Variants in PKHD1L1 observed in about 807,000 individuals in gnomAD.
PKHD1L1 encodes the protein fibrocystin-L.
Under a neutral mutation model 462.9 loss-of-function variants are expected in PKHD1L1, and 434 were observed. The observed-to-expected ratio is 0.94, with a 90% CI of 0.87 to 1.02. The LOEUF (loss-of-function observed/expected upper bound fraction) is 1.02, where lower values mean the gene tolerates loss of function less well. PKHD1L1 is among the 50% of genes least tolerant of loss of function. The probability of loss-of-function intolerance (pLI) is 0.00; values close to 1 mark genes in which losing one functional copy is unlikely to be tolerated. For missense variants in PKHD1L1, 5,202 were observed against 5,096.1 expected (o/e 1.02, Z -0.63); for synonymous variants, 1,781 against 1,750.0 (o/e 1.02, Z -0.44).
chr8:109,415,832 A>G, intron 21 of PKHD1L1, among the ~76,000 whole-genome samples: 1 of 143,328 alleles, frequency 7.0e-6, no homozygotes, highest in Non-Finnish European at 1.5e-5. Flanking sequence ...TGGGTGACAG[A>G]ATGAGACCTT....
At chr8:109,460,853 C>T (rs1199645377) in intron 47 of PKHD1L1, among the ~76,000 whole-genome samples, 1 of 152,178 alleles carries the variant, frequency 6.6e-6, no homozygotes, top group Non-Finnish European at 1.5e-5. Flanking sequence ...AAGGATCTAT[C>T]TCAGCACGGG....
At chr8:109,429,282 A>T in intron 25 of PKHD1L1, 58 bp from the exon 26 acceptor site, 3 of 1,345,550 alleles carry the variant, frequency 2.2e-6, no homozygotes, top group Non-Finnish European at 3.0e-6. Context: ...AAAATGAAAA[A>T]CTAGTGTCGT....
rs1203402184 is a variant in PKHD1L1, at chr8:109,445,233, C to T, written c.5364C>T (p.Phe1788=). 4.3e-6 allele frequency: 7 copies of T among 1,613,970 alleles called. No homozygotes were observed. Among genetic ancestry groups the T allele is most frequent in the Non-Finnish European group, 5.9e-6 (7 of 1,179,890 alleles). Residue 1788 remains phenylalanine, a synonymous_variant, in exon 38 of 78, where the codon TTC becomes TTT. Transcript: ENST00000378402. ...DIAVFIGNQQ[F]RAIEVNENNI... is the part of the protein sequence containing the mutation. ...CTGTTTTCATTGGAAATCAACAGTT[C>T]AGAGCAATAGAGGTTAATGAAAACA... is the stretch of plus-strand genomic sequence containing the variant.
At position 109,414,625 on chromosome 8, in the gene PKHD1L1, T is replaced by C. The variant is rs139984331; in HGVS notation, c.2360+1080T>C. ...TAAGATATGGAGAGCATTATTCTAT[T>C]ATAATAAGACATGGAGAGCACTATT... On this transcript the variant is annotated intron_variant, in intron 21 of 77. Transcript: ENST00000378402. Among the ~76,000 whole-genome samples, 1,390 of 152,232 alleles carry C rather than the reference T, an allele frequency of 9.1e-3. 7 individuals are homozygous for C. The highest frequency in any genetic ancestry group is 0.011 in the Non-Finnish European group (771 of 67,998).
At chr8:109,388,448 C>A in intron 6 of PKHD1L1, 49 bp from the exon 7 acceptor site, 1 of 1,349,626 alleles carries the variant, frequency 7.4e-7, no homozygotes, top group Non-Finnish European at 1.0e-6. Flanking sequence ...ATTTTTGAAA[C>A]AATTTGTTAA....
chr8:109,513,142 A>G (rs1378093683), intron 71 of PKHD1L1, among the ~76,000 whole-genome samples: 2 of 151,468 alleles, frequency 1.3e-5, no homozygotes, highest in Non-Finnish European at 2.9e-5. Flanking sequence ...TCATCTGCAA[A>G]CAGGGACAAT....
At chr8:109,373,135 G>C (rs2130354692) in intron 2 of PKHD1L1, among the ~76,000 whole-genome samples, 1 of 152,180 alleles carries the variant, frequency 6.6e-6, no homozygotes, top group East Asian at 1.9e-4. Context: ...ATCTGGTCCT[G>C]GACTTTTTTT....
At chr8:109,514,823 T>C (rs979429094) in intron 71 of PKHD1L1, among the ~76,000 whole-genome samples, 3 of 152,124 alleles carry the variant, frequency 2.0e-5, no homozygotes, top group Non-Finnish European at 4.4e-5. Flanking sequence ...GGCTGCATTA[T>C]ACAGAGTATA....
chr8:109,512,017 C>T (rs866944531), intron 71 of PKHD1L1, among the ~76,000 whole-genome samples: 4,218 of 151,994 alleles, frequency 0.028, 123 homozygotes, highest in African/African-American at 0.072. Context: ...CTGTTCATGT[C>T]CTTTGCCCAC....
At chr8:109,418,212 G>A (rs7840592) in intron 21 of PKHD1L1, among the ~76,000 whole-genome samples, 80,376 of 151,784 alleles carry the variant, frequency 0.53, 21,439 homozygotes, top group South Asian at 0.65. Flanking sequence ...CAGTTGTACA[G>A]TTCTACGCTG....
At chr8:109,412,231 C>A (rs770404706) in intron 19 of PKHD1L1, 34 bp from the exon 20 acceptor site, 1 of 1,607,510 alleles carries the variant, frequency 6.2e-7, no homozygotes, top group South Asian at 1.1e-5. Context: ...AACAATAAAT[C>A]ATGTTTTCAT....
rs769717025 is a variant in PKHD1L1 at position 109,400,109 on chromosome 8, A to G, written c.1046A>G (p.Asn349Ser). Reference protein sequence around the residue: ...GRGLKLEVWNNSRPIRLEEIL... With the variant: ...GRGLKLEVWNSSRPIRLEEIL... ...GGCCTGAAGCTTGAGGTGTGGAATA[A>G]TAGCCGTCCAATACGTTTGGAAGAG... Residue 349 changes from asparagine to serine, a missense_variant, in exon 13 of 78, where the codon AAT (asparagine) becomes AGT (serine). Physicochemically the swap from Asn to Ser is conservative, Grantham distance 46. Coordinates refer to ENST00000378402, the MANE Select transcript of PKHD1L1 (RefSeq NM_177531.6). 2.5e-6 allele frequency: 4 copies of G among 1,613,458 alleles called. No homozygotes were observed. Among genetic ancestry groups the G allele is most frequent in the Non-Finnish European group, 3.4e-6 (4 of 1,179,556 alleles).
chr8:109,415,864 G>GGTGTGTGT (rs552265043), intron 21 of PKHD1L1, among the ~76,000 whole-genome samples: 1,527 of 100,382 alleles, frequency 0.015, 33 homozygotes, highest in African/African-American at 0.044. Flanking sequence ...AAAAAAAAGG[G>GGTGTGTGT]GTGTGTGTGT....
chr8:109,396,277 T>C (rs1712404170), intron 11 of PKHD1L1, 140 bp downstream of exon 11: 1 of 677,308 alleles, frequency 1.5e-6, no homozygotes, highest in African/African-American at 1.8e-5. Context: ...GTCATTTGGT[T>C]CTGGGATTTG....
At position 109,480,075 on chromosome 8, in the gene PKHD1L1, A is replaced by G. The variant is rs202085547; in HGVS notation, c.9263A>G (p.Asn3088Ser). ...GTTCTAGAACTGGAAGATAAATACA[A>G]TGTAGGAGCTGCAGAATCTTCTTAC... Reference protein sequence around the residue: ...WGVLELEDKYNVGAAESSYRE... With the variant: ...WGVLELEDKYSVGAAESSYRE... Residue 3088 changes from asparagine (N) to serine (S), a missense_variant, in exon 55 of 78, where the codon AAT (asparagine) becomes AGT (serine). Physicochemically the swap from Asn to Ser is conservative, Grantham distance 46. Around this residue, in one of 3 missense-constraint regions of PKHD1L1, gnomAD observed 4,497 missense variants for 4,336.8 expected, o/e 1.04. Transcript: ENST00000378402. 4 of 1,585,278 alleles carry G rather than the reference A, an allele frequency of 2.5e-6. No individual in the cohort carries two copies. Among genetic ancestry groups the G allele is most frequent in the East Asian group, 2.3e-5 (1 of 43,832 alleles).
Position 109,396,203 on chromosome 8 carries a change from G to GTAA in PKHD1L1, c.922+78_922+80dup, listed in dbSNP as rs1812967209. The GTAA allele has an allele frequency of 9.0e-5, 98 of 1,087,020 alleles. 2 individuals are homozygous for GTAA. The South Asian group carries it at 1.3e-3, about 15-fold the overall frequency. 67.3% of individuals were successfully genotyped at this position (1,087,020 alleles called of 1,614,324 possible). ...AATTCTGCCTGCTCTTTAATAATTT[G>GTAA]TAATAATAATAATAGTCTTTTCTCA... On this transcript the variant is annotated intron_variant, in intron 11 of 77. Transcript: ENST00000378402.
intron 21 of PKHD1L1, 92 bp downstream of exon 21, chr8:109,413,637 T>C (rs1046920412): frequency 4.3e-6 from 5 of 1,174,454 alleles, no homozygotes; most frequent in Non-Finnish European, 5.5e-6. Flanking sequence ...TTTTTTGTTT[T>C]GGTCTGTTTG....
chr8:109,448,338 C>T lies in PKHD1L1; in HGVS notation c.5972C>T (p.Ser1991Phe). 6 of 1,613,352 alleles carry T rather than the reference C, an allele frequency of 3.7e-6. No homozygotes were observed. Among genetic ancestry groups the T allele is most frequent in the Non-Finnish European group, 5.1e-6 (6 of 1,179,648 alleles). ...MHHKTKGSAMSTVVFEYPLNI... is the reference protein window; with the variant it reads ...MHHKTKGSAMFTVVFEYPLNI... ...CATAAGACAAAAGGCTCAGCCATGT[C>T]CACAGTTGTATTTGAGTACCCGCTT... The change falls in exon 39 of 78, where the codon TCC (serine) becomes TTC (phenylalanine). Residue 1991 changes from serine to phenylalanine, a missense_variant. Around this residue, in one of 3 missense-constraint regions of PKHD1L1, gnomAD observed 4,497 missense variants for 4,336.8 expected, o/e 1.04. Transcript: ENST00000378402.
In PKHD1L1 at chr8:109,491,865, T is replaced by A; in HGVS notation, c.10115-8T>A. The A allele has an allele frequency of 6.5e-7, 1 of 1,544,636 alleles. No individual in the cohort carries two copies. Among genetic ancestry groups the A allele is most frequent in the Non-Finnish European group, 8.8e-7 (1 of 1,141,974 alleles). ...GGATTTTCTTTCTTTTTTTCTTTTT[T>A]TAAACAGGCATAAGAATATGGGGGA... On this transcript the variant is annotated splice_polypyrimidine_tract_variant and splice_region_variant and intron_variant, in intron 61 of 77. Coordinates refer to ENST00000378402, the MANE Select transcript of PKHD1L1 (RefSeq NM_177531.6).
Sources: allele counts gnomAD v4.1 joint callset (sites outside exome capture counted in the v4.1 genomes callset), GRCh38; gene constraint gnomAD v4.1.1; regional missense constraint gnomAD v4.1.1; transcripts MANE v1.5; gene names NCBI Gene and HGNC (gene_info 2026-07-23, HGNC 2026-07-21).